Variants in AMPH observed in about 807,000 individuals in gnomAD.
AMPH encodes the protein amphiphysin.
Under a neutral mutation model 99.1 loss-of-function variants are expected in AMPH, and 49 were observed. The ratio of observed to expected loss-of-function variants is 0.49; its 90% confidence interval spans 0.39 to 0.63. The LOEUF is 0.63. Among genes scored for constraint, AMPH ranks in the 20% least tolerant of loss-of-function variants. The pLI is 0.00. For missense variants in AMPH, 759 were observed against 863.4 expected (o/e 0.88, Z 1.52); for synonymous variants, 314 against 317.3 (o/e 0.99, Z 0.11).
chr7:38,511,366 T>C (rs1789534464), intron 2 of AMPH, among the ~76,000 whole-genome samples: 1 of 152,230 alleles, frequency 6.6e-6, no homozygotes, highest in South Asian at 2.1e-4. Context: ...TTATAATGCT[T>C]CCTTGTTTTT....
rs2129021777 is a variant in AMPH at position 38,494,442 on chromosome 7, C to T, written c.291G>A (p.Met97Ile). 2 of 1,613,328 alleles carry T rather than the reference C, an allele frequency of 1.2e-6. No individual in the cohort carries two copies. Among genetic ancestry groups the T allele is most frequent in the East Asian group, 4.5e-5 (2 of 44,818 alleles). ...CCACCCCAGCTCTTACCTCACCAAC[C>T]ATTTTCACATCTTCCCGCCCATACC... The part of the protein sequence containing the change: ...PDWYGREDVK[M>I]VGEKCDVLWE... Residue 97 changes from methionine (M) to isoleucine (I), a missense_variant, in exon 4 of 21, where the codon ATG becomes ATA. Around this residue, in one of 2 missense-constraint regions of AMPH, gnomAD observed 205 missense variants for 287.9 expected, o/e 0.71. Coordinates refer to ENST00000356264, the MANE Select transcript of AMPH (RefSeq NM_001635.4).
intron 1 of AMPH, among the ~76,000 whole-genome samples, chr7:38,539,219 T>C (rs1182578940): frequency 6.6e-6 from 1 of 152,118 alleles, no homozygotes; most frequent in African/African-American, 2.4e-5. Flanking sequence ...GCCCTGAAAG[T>C]GTCCACTGGA....
chr7:38,485,030 A>G (rs1047526498), intron 5 of AMPH, among the ~76,000 whole-genome samples: 2 of 151,952 alleles, frequency 1.3e-5, no homozygotes. Context: ...AAACAACAAA[A>G]TACAACAGAA....
intron 1 of AMPH, among the ~76,000 whole-genome samples, chr7:38,547,680 G>A (rs1311038617): frequency 1.3e-5 from 2 of 152,204 alleles, no homozygotes; most frequent in Non-Finnish European, 1.5e-5. Context: ...GCCCAAGGTG[G>A]TTGGGGCACA....
intron 11 of AMPH, among the ~76,000 whole-genome samples, chr7:38,449,647 T>C (rs1378868521): frequency 6.6e-6 from 1 of 152,258 alleles, no homozygotes; most frequent in African/African-American, 2.4e-5. Flanking sequence ...ATGATGTTGG[T>C]AATCCACCAG....
intron 1 of AMPH, among the ~76,000 whole-genome samples, chr7:38,592,258 T>C (rs904273618): frequency 6.6e-6 from 1 of 152,228 alleles, no homozygotes; most frequent in Admixed American, 6.5e-5. Flanking sequence ...GCCATCATGA[T>C]CATGTCACAG....
intron 1 of AMPH, among the ~76,000 whole-genome samples, chr7:38,616,117 T>C (rs1381234807): frequency 1.3e-5 from 2 of 152,182 alleles, no homozygotes; most frequent in East Asian, 3.9e-4. Context: ...CCCAATCATC[T>C]ACACAGACAC....
chr7:38,575,582 A>C, intron 1 of AMPH, among the ~76,000 whole-genome samples: 1 of 152,148 alleles, frequency 6.6e-6, no homozygotes, highest in Non-Finnish European at 1.5e-5. Flanking sequence ...TCTCAAACAA[A>C]GTTCATTTAA....
chr7:38,407,090 G>A (rs200329265), intron 17 of AMPH, among the ~76,000 whole-genome samples: 2,301 of 60,474 alleles, frequency 0.038, 32 homozygotes, highest in Non-Finnish European at 0.058. Flanking sequence ...GTGTGTGTGT[G>A]TGTGTGTGTG....
intron 11 of AMPH, among the ~76,000 whole-genome samples, chr7:38,456,558 G>A (rs1488013319): frequency 6.6e-6 from 1 of 152,172 alleles, no homozygotes; most frequent in Non-Finnish European, 1.5e-5. Context: ...GCTACCACAG[G>A]TGGCACCCAC....
intron 2 of AMPH, among the ~76,000 whole-genome samples, chr7:38,521,181 T>G (rs181011686): frequency 4.1e-4 from 63 of 152,318 alleles, no homozygotes; most frequent in Non-Finnish European, 7.5e-4. Flanking sequence ...GAGGGTATCT[T>G]AAGGAAACTA....
chr7:38,582,201 G>A (rs1365541218), intron 1 of AMPH, among the ~76,000 whole-genome samples: 1 of 152,150 alleles, frequency 6.6e-6, no homozygotes, highest in Non-Finnish European at 1.5e-5. Context: ...CTAGTACCCT[G>A]GAAGCCAAAT....
At chr7:38,496,904 C>T (rs1217895886) in intron 3 of AMPH, among the ~76,000 whole-genome samples, 2 of 151,940 alleles carry the variant, frequency 1.3e-5, no homozygotes, top group African/African-American at 4.8e-5. Flanking sequence ...CACTGTAGAC[C>T]AAATAATCTT....
intron 17 of AMPH, among the ~76,000 whole-genome samples, chr7:38,415,390 G>A (rs1474857239): frequency 2.0e-5 from 3 of 152,158 alleles, no homozygotes; most frequent in Non-Finnish European, 4.4e-5. Flanking sequence ...TCAACTCAAC[G>A]CTGACTGACG....
intron 1 of AMPH, among the ~76,000 whole-genome samples, chr7:38,572,157 A>G (rs1792069264): frequency 6.6e-6 from 1 of 152,122 alleles, no homozygotes; most frequent in Admixed American, 6.5e-5. Flanking sequence ...CGCCCACTTC[A>G]GCCTCCCAAA....
At chr7:38,439,191 T>G (rs1347642628) in intron 11 of AMPH, among the ~76,000 whole-genome samples, 1 of 152,224 alleles carries the variant, frequency 6.6e-6, no homozygotes, top group Non-Finnish European at 1.5e-5. Flanking sequence ...TCCCTAGTCA[T>G]GTGGAACTGT....
At chr7:38,593,169 CT>C (rs1177696523) in intron 1 of AMPH, among the ~76,000 whole-genome samples, 1 of 152,138 alleles carries the variant, frequency 6.6e-6, no homozygotes, top group African/African-American at 2.4e-5. Context: ...AAATGAAAGG[CT>C]TTTTATAGGC....
intron 12 of AMPH, 87 bp from the exon 13 acceptor site, chr7:38,432,299 A>C: frequency 1.6e-6 from 2 of 1,274,396 alleles, no homozygotes; most frequent in Non-Finnish European, 2.3e-6. Flanking sequence ...TTGAAATCAT[A>C]AGCATTTTTT....
At chr7:38,477,017 G>T in intron 5 of AMPH, 48 bp from the exon 6 acceptor site, 1 of 1,561,422 alleles carries the variant, frequency 6.4e-7, no homozygotes, top group Non-Finnish European at 8.8e-7. Context: ...GGACATAAGA[G>T]TCTCCCTTTG....
Sources: allele counts gnomAD v4.1 joint callset (sites outside exome capture counted in the v4.1 genomes callset), GRCh38; gene constraint gnomAD v4.1.1; regional missense constraint gnomAD v4.1.1; transcripts MANE v1.5; gene names NCBI Gene and HGNC (gene_info 2026-07-23, HGNC 2026-07-21).